Variants in NEGR1 observed in about 807,000 individuals in gnomAD.
NEGR1 encodes neuronal growth regulator 1.
A neutral mutation model predicts 40.9 loss-of-function variants in NEGR1; 10 were observed. The observed-to-expected ratio is 0.24, with a 90% CI of 0.15 to 0.42. The LOEUF is 0.42. Ranked by LOEUF, NEGR1 falls within the 10% of genes least tolerant of loss-of-function variation. NEGR1 has a pLI of 1.00. For missense variants in NEGR1, 352 were observed against 438.9 expected (o/e 0.80, Z 1.77); for synonymous variants, 185 against 166.8 (o/e 1.11, Z -0.84).
chr1:71,819,536 T>C (rs1658350776), intron 2 of NEGR1, among the ~76,000 whole-genome samples: 1 of 151,558 alleles, frequency 6.6e-6, no homozygotes, highest in Non-Finnish European at 1.5e-5. Context: ...AAACTAAAAA[T>C]TGAAAGGAAG....
intron 3 of NEGR1, among the ~76,000 whole-genome samples, chr1:71,756,457 A>T (rs1236613211): frequency 1.3e-5 from 2 of 151,974 alleles, no homozygotes; most frequent in Non-Finnish European, 2.9e-5. Context: ...CTACTGAGTT[A>T]AACAGCGAGG....
At chr1:72,264,680 C>A (rs1247536403) in intron 1 of NEGR1, among the ~76,000 whole-genome samples, 2 of 150,590 alleles carry the variant, frequency 1.3e-5, no homozygotes, top group African/African-American at 4.8e-5. Context: ...TTCTTAAAAA[C>A]TTTTTAAATA....
rs1395465313 is a variant in NEGR1 at position 71,697,954 on chromosome 1, A to G, written c.667+54T>C. 22 of 1,538,176 alleles carry G rather than the reference A, an allele frequency of 1.4e-5. No homozygotes were observed. In the East Asian group the frequency reaches 4.6e-4, roughly 32 times the overall value. On this transcript the variant is annotated intron_variant, in intron 4 of 6. Transcript: ENST00000357731. Reference sequence around the variant, plus strand: ...ACATAAATTTCAGTCAGAATTTTTCAAGGTGTTTTATCTTTTCTCAGAACT... The same window carrying G: ...ACATAAATTTCAGTCAGAATTTTTCGAGGTGTTTTATCTTTTCTCAGAACT...
intron 1 of NEGR1, among the ~76,000 whole-genome samples, chr1:71,962,084 TG>T: frequency 6.6e-6 from 1 of 152,038 alleles, no homozygotes; most frequent in Admixed American, 6.5e-5. Flanking sequence ...AATGCTTTCA[TG>T]AAAAAAAATC....
At chr1:71,912,913 C>T (rs1557430241) in intron 2 of NEGR1, among the ~76,000 whole-genome samples, 1 of 151,982 alleles carries the variant, frequency 6.6e-6, no homozygotes, top group Admixed American at 6.6e-5. Context: ...TTCAACTTAA[C>T]TTTGCAAAAT....
At chr1:71,994,445 C>A (rs982134520) in intron 1 of NEGR1, among the ~76,000 whole-genome samples, 2 of 151,658 alleles carry the variant, frequency 1.3e-5, no homozygotes, top group African/African-American at 4.8e-5. Context: ...GGAGAATGGC[C>A]TGAACCCGGG....
intron 2 of NEGR1, among the ~76,000 whole-genome samples, chr1:71,826,893 A>T (rs1304697033): frequency 6.6e-6 from 1 of 151,974 alleles, no homozygotes; most frequent in African/African-American, 2.4e-5. Context: ...TAAAAAGAAC[A>T]TTCATTAAAC....
At chr1:72,200,442 A>G (rs1653163386) in intron 1 of NEGR1, among the ~76,000 whole-genome samples, 1 of 152,016 alleles carries the variant, frequency 6.6e-6, no homozygotes, top group African/African-American at 2.4e-5. Flanking sequence ...GCATGTTCTC[A>G]CTTACAGGTG....
In NEGR1 at chr1:71,956,083, C is replaced by T. The variant is rs1371363578; in HGVS notation, c.177-20772G>A. 3.3e-5 allele frequency among the ~76,000 whole-genome samples: 5 copies of T among 152,150 alleles called. No individual in the cohort carries two copies. The East Asian group carries it at 5.8e-4, about 18-fold the overall frequency. ...AAATATTTTTAAAAGGCAAGGCTAA[C>T]ATTGTTTAGTTTGGGCAACCATATG... On this transcript the variant is annotated intron_variant, in intron 1 of 6. Transcript: ENST00000357731.
At chr1:71,577,928 T>A (rs962877138) in intron 6 of NEGR1, among the ~76,000 whole-genome samples, 1 of 152,122 alleles carries the variant, frequency 6.6e-6, no homozygotes, top group Non-Finnish European at 1.5e-5. Context: ...TTCCCAGTAC[T>A]GATACACACT....
intron 3 of NEGR1, among the ~76,000 whole-genome samples, chr1:71,762,269 G>C (rs996513648): frequency 7.2e-6 from 1 of 138,666 alleles, no homozygotes; most frequent in Non-Finnish European, 1.6e-5. Context: ...AAAATGAGAG[G>C]CAACAAACAG....
intron 3 of NEGR1, among the ~76,000 whole-genome samples, chr1:71,762,098 A>C (rs1198676080): frequency 6.6e-6 from 1 of 152,106 alleles, no homozygotes; most frequent in Non-Finnish European, 1.5e-5. Flanking sequence ...AAGGTTGGAC[A>C]TCCTTAGACT....
intron 2 of NEGR1, among the ~76,000 whole-genome samples, chr1:71,817,199 T>G (rs1271554344): frequency 6.6e-6 from 1 of 152,082 alleles, no homozygotes; most frequent in African/African-American, 2.4e-5. Flanking sequence ...GACTTGCTCA[T>G]GCAGCTTCCA....
At chr1:71,509,114 T>C (rs1647055868) in intron 6 of NEGR1, among the ~76,000 whole-genome samples, 1 of 152,188 alleles carries the variant, frequency 6.6e-6, no homozygotes, top group African/African-American at 2.4e-5. Flanking sequence ...CTGGGTCGAA[T>C]GGATCAAATT....
chr1:72,265,013 T>C (rs1236376380), intron 1 of NEGR1, among the ~76,000 whole-genome samples: 1 of 150,904 alleles, frequency 6.6e-6, no homozygotes, highest in Non-Finnish European at 1.5e-5. Context: ...TTTATTTAAC[T>C]GTCATTTCTT....
At chr1:71,975,045 T>A (rs1029440710) in intron 1 of NEGR1, among the ~76,000 whole-genome samples, 15 of 152,322 alleles carry the variant, frequency 9.8e-5, no homozygotes, top group Non-Finnish European at 1.9e-4. Context: ...ATATATCAAC[T>A]TTTTTCTTCA....
At chr1:71,570,282 A>G (rs1353272802) in intron 6 of NEGR1, among the ~76,000 whole-genome samples, 1 of 152,212 alleles carries the variant, frequency 6.6e-6, no homozygotes, top group Non-Finnish European at 1.5e-5. Flanking sequence ...ACAGATGGTT[A>G]TACCCCAATG....
intron 1 of NEGR1, among the ~76,000 whole-genome samples, chr1:72,067,391 G>A (rs1014535449): frequency 1.3e-5 from 2 of 151,990 alleles, no homozygotes; most frequent in Non-Finnish European, 2.9e-5. Flanking sequence ...GATGCATCTC[G>A]TCATACCTAG....
intron 1 of NEGR1, among the ~76,000 whole-genome samples, chr1:72,061,511 G>T (rs956170158): frequency 6.6e-6 from 1 of 151,324 alleles, no homozygotes; most frequent in Admixed American, 6.6e-5. Context: ...ATAGACAAAC[G>T]TTGTGTCTAA....
Sources: allele counts gnomAD v4.1 joint callset (sites outside exome capture counted in the v4.1 genomes callset), GRCh38; gene constraint gnomAD v4.1.1; transcripts MANE v1.5; gene names NCBI Gene and HGNC (gene_info 2026-07-23, HGNC 2026-07-21).